B3GLCT: variants seen among roughly 807,000 people sequenced by gnomAD.
The protein encoded by B3GLCT is beta-1,3-glucosyltransferase.
Under a neutral mutation model 63.4 loss-of-function variants are expected in B3GLCT, and 65 were observed. The ratio of observed to expected loss-of-function variants is 1.03; its 90% CI spans 0.84 to 1.26. B3GLCT has a LOEUF of 1.26. B3GLCT is among the 50% of genes most tolerant of loss of function. The probability of loss-of-function intolerance (pLI) is 0.00; values close to 1 mark genes in which losing one functional copy is unlikely to be tolerated. For missense variants in B3GLCT, 577 were observed against 604.8 expected (o/e 0.95, Z 0.48); for synonymous variants, 233 against 219.2 (o/e 1.06, Z -0.55).
intron 1 of B3GLCT, among the ~76,000 whole-genome samples, chr13:31,214,160 T>C (rs1869436535): frequency 6.6e-6 from 1 of 152,208 alleles, no homozygotes; most frequent in Non-Finnish European, 1.5e-5. Context: ...TTCCATGGTG[T>C]CACTTCTCCC....
chr13:31,238,736 G>A (rs535383307), intron 4 of B3GLCT, among the ~76,000 whole-genome samples: 1 of 152,208 alleles, frequency 6.6e-6, no homozygotes, highest in African/African-American at 2.4e-5. Flanking sequence ...GAATCTAAGA[G>A]TTTGAGACCA....
intron 12 of B3GLCT, among the ~76,000 whole-genome samples, chr13:31,315,893 T>C (rs915545742): frequency 3.3e-5 from 5 of 152,216 alleles, no homozygotes; most frequent in Non-Finnish European, 7.3e-5. Context: ...CAGCCATGGC[T>C]AAAAGGGGCC....
intron 1 of B3GLCT, among the ~76,000 whole-genome samples, chr13:31,211,870 G>T (rs1013559937): frequency 3.3e-5 from 5 of 152,152 alleles, no homozygotes; most frequent in African/African-American, 1.2e-4. Context: ...TACCTTCCCT[G>T]CACTATATTC....
chr13:31,226,998 T>C (rs1870135805), intron 3 of B3GLCT, among the ~76,000 whole-genome samples: 2 of 152,226 alleles, frequency 1.3e-5, no homozygotes, highest in South Asian at 4.1e-4. Flanking sequence ...ATATGTTTGG[T>C]ATATATACAT....
At chr13:31,311,033 G>A (rs1432993979) in intron 12 of B3GLCT, among the ~76,000 whole-genome samples, 4 of 152,354 alleles carry the variant, frequency 2.6e-5, no homozygotes, top group African/African-American at 9.6e-5. Context: ...AGGTGCAGCT[G>A]GCCAACCGTG....
At chr13:31,266,797 G>A (rs2137841416) in intron 7 of B3GLCT, among the ~76,000 whole-genome samples, 1 of 152,252 alleles carries the variant, frequency 6.6e-6, no homozygotes, top group African/African-American at 2.4e-5. Flanking sequence ...TTGAGATGGA[G>A]TCTTGTTCTG....
At chr13:31,218,597 G>C (rs1397410210) in intron 2 of B3GLCT, among the ~76,000 whole-genome samples, 2 of 152,164 alleles carry the variant, frequency 1.3e-5, no homozygotes, top group Admixed American at 1.3e-4. Context: ...CTTTGCTGAA[G>C]ATTATTAGAG....
chr13:31,310,657 A>G (rs757155725), intron 12 of B3GLCT, among the ~76,000 whole-genome samples: 6 of 152,184 alleles, frequency 3.9e-5, no homozygotes, highest in Non-Finnish European at 8.8e-5. Context: ...ATGAGCTGGG[A>G]CATGCCCCCA....
chr13:31,310,939 A>C (rs1849357993), intron 12 of B3GLCT, among the ~76,000 whole-genome samples: 1 of 152,216 alleles, frequency 6.6e-6, no homozygotes, highest in African/African-American at 2.4e-5. Flanking sequence ...CTGGGCCAAT[A>C]ACATGAGCTA....
At chr13:31,242,800 A>C (rs1458095320) in intron 4 of B3GLCT, among the ~76,000 whole-genome samples, 1 of 152,248 alleles carries the variant, frequency 6.6e-6, no homozygotes, top group African/African-American at 2.4e-5. Flanking sequence ...TAATGAGGTA[A>C]TATTTTATCT....
intron 13 of B3GLCT, 60 bp from the exon 14 acceptor site, chr13:31,323,691 G>T (rs2048341703): frequency 6.2e-7 from 1 of 1,601,278 alleles, no homozygotes; most frequent in Non-Finnish European, 8.5e-7. Context: ...GGGCCCATTT[G>T]TGCAGCAGCG....
Position 31,261,096 on chromosome 13 carries a change from G to T in B3GLCT, c.596+14G>T. ...ACTTGTAAACAAGTAAGAATTTATT[G>T]GAATTTTTTCGGGGGGCGGGAGGGG... On this transcript the variant is annotated intron_variant, in intron 7 of 14. Transcript: ENST00000343307. 6.2e-7 allele frequency: 1 copy of T among 1,609,036 alleles called. No individual in the cohort carries two copies. The highest frequency in any genetic ancestry group is 1.1e-5 in the South Asian group (1 of 90,700).
chr13:31,274,252 G>A (rs1343011639), intron 8 of B3GLCT, among the ~76,000 whole-genome samples: 3 of 152,118 alleles, frequency 2.0e-5, no homozygotes, highest in Non-Finnish European at 4.4e-5. Context: ...TCCTAAAACC[G>A]CATACTTCGG....
chr13:31,270,657 C>T (rs1872538898), intron 8 of B3GLCT, among the ~76,000 whole-genome samples: 1 of 152,200 alleles, frequency 6.6e-6, no homozygotes, highest in Non-Finnish European at 1.5e-5. Context: ...GGAGAGGCCT[C>T]CTTCCGTCTC....
intron 6 of B3GLCT, among the ~76,000 whole-genome samples, chr13:31,258,218 G>A (rs1257901328): frequency 5.9e-5 from 9 of 152,204 alleles, no homozygotes; most frequent in Middle Eastern, 6.8e-3. Context: ...CCTAAAACTC[G>A]ACATGTTCAA....
intron 10 of B3GLCT, among the ~76,000 whole-genome samples, chr13:31,283,872 AAAC>A (rs1244338767): frequency 6.6e-6 from 1 of 152,240 alleles, no homozygotes; most frequent in Non-Finnish European, 1.5e-5. Flanking sequence ...TCTATTGAAA[AAAC>A]AAGAAACCAC....
chr13:31,226,143 A>C (rs966009563), intron 3 of B3GLCT, among the ~76,000 whole-genome samples: 1 of 151,824 alleles, frequency 6.6e-6, no homozygotes, highest in African/African-American at 2.4e-5. Flanking sequence ...CTCTCCTTGC[A>C]CTCGCCCCCG....
At chr13:31,282,146 T>C (rs1873101243) in intron 10 of B3GLCT, among the ~76,000 whole-genome samples, 1 of 152,200 alleles carries the variant, frequency 6.6e-6, no homozygotes, top group Admixed American at 6.5e-5. Context: ...TTTCTCAAAG[T>C]TTAGTATCTT....
Position 31,330,543 on chromosome 13 carries a change from T to TG in B3GLCT, c.*875_*876insG, listed in dbSNP as rs941946376. On this transcript the variant is annotated 3_prime_UTR_variant, in exon 15 of 15. Coordinates refer to ENST00000343307, the MANE Select transcript of B3GLCT (RefSeq NM_194318.4). Reference sequence around the variant, plus strand: ...TTGGACCTTATGTTTTACTCTTGTTTTTTTTTTTTTTTTAAATGTTACTTA... The same window carrying TG: ...TTGGACCTTATGTTTTACTCTTGTTTGTTTTTTTTTTTTTAAATGTTACTTA... The TG allele has an allele frequency of 1.3e-5, 2 of 150,096 alleles. No individual in the cohort carries two copies. Among genetic ancestry groups the TG allele is most frequent in the African/African-American group, 4.9e-5 (2 of 41,056 alleles). The allele number at this position is 150,096 out of a possible 1,614,324, so 9.3% of individuals were successfully genotyped here. A position where few individuals can be genotyped will look rare whatever the true frequency, so the allele number is the denominator to read the frequency against.
Sources: allele counts gnomAD v4.1 joint callset (sites outside exome capture counted in the v4.1 genomes callset), GRCh38; gene constraint gnomAD v4.1.1; transcripts MANE v1.5; gene names NCBI Gene and HGNC (gene_info 2026-07-23, HGNC 2026-07-21).